HCRTR2: variants seen among roughly 807,000 people sequenced by gnomAD.
HCRTR2 encodes the protein orexin receptor type 2.
HCRTR2 carries 22 observed loss-of-function variants against 49.0 expected under a neutral mutation model. The ratio of observed to expected loss-of-function variants is 0.45; its 90% CI spans 0.32 to 0.64. The LOEUF (loss-of-function observed/expected upper bound fraction) is 0.64, where lower values mean the gene tolerates loss of function less well. Ranked by LOEUF, HCRTR2 falls within the 30% of genes least tolerant of loss-of-function variation. The probability of loss-of-function intolerance (pLI) is 0.04; values close to 1 mark genes in which losing one functional copy is unlikely to be tolerated. For missense variants in HCRTR2, 491 were observed against 559.4 expected, an observed-to-expected ratio of 0.88 and a Z score of 1.23; for synonymous variants, 236 against 205.3, an observed-to-expected ratio of 1.15 and a Z score of -1.28.
intron 1 of HCRTR2, among the ~76,000 whole-genome samples, chr6:55,210,991 T>A (rs1765686537): frequency 6.6e-6 from 1 of 152,174 alleles, no homozygotes; most frequent in African/African-American, 2.4e-5. Context: ...TTCTGTACTT[T>A]TCTATGTTTA....
rs139369921 is a variant in HCRTR2, at chr6:55,164,738, C to T, written c.-377-9473C>T. 4.0e-4 allele frequency among the ~76,000 whole-genome samples: 61 copies of T among 151,842 alleles called. 1 individual carries two copies. The East Asian group carries it at 0.01, about 25-fold the overall frequency. ...TGTATACCTATGTAACAAACCTGCA[C>T]GTTCTGCACATGTATCCCAGAACTT... On this transcript the variant is annotated intron_variant, in intron 1 of 7. Coordinates refer to the HCRTR2 transcript ENST00000615358.
chr6:55,244,031 G>A (rs1265452606), intron 1 of HCRTR2, among the ~76,000 whole-genome samples: 1 of 152,060 alleles, frequency 6.6e-6, no homozygotes, highest in Admixed American at 6.5e-5. Context: ...TCCAGACAGA[G>A]GAATGGCATG....
intron 4 of HCRTR2, among the ~76,000 whole-genome samples, chr6:55,269,975 A>C (rs1176258017): frequency 1.3e-5 from 2 of 152,198 alleles, no homozygotes; most frequent in East Asian, 1.9e-4. Flanking sequence ...AACAAAAAAA[A>C]TTCTTCAGCA....
intron 1 of HCRTR2, among the ~76,000 whole-genome samples, chr6:55,232,408 C>A (rs1766132872): frequency 6.6e-6 from 1 of 152,084 alleles, no homozygotes; most frequent in African/African-American, 2.4e-5. Context: ...AGTGGACATT[C>A]TTTTTTGTTG....
intron 6 of HCRTR2, among the ~76,000 whole-genome samples, chr6:55,281,263 T>TA (rs36060917): frequency 7.9e-5 from 12 of 151,896 alleles, no homozygotes; most frequent in African/African-American, 2.4e-4. Flanking sequence ...TGCATAGGTT[T>TA]AAAAAAAAGG....
chr6:55,282,699 C>A, downstream of HCRTR2: 1 of 415,648 alleles, frequency 2.4e-6, no homozygotes, highest in Non-Finnish European at 4.0e-6. Flanking sequence ...CTTTTAGTTT[C>A]ATGTATTAAA....
At chr6:55,241,533 A>T (rs938024303) in intron 1 of HCRTR2, among the ~76,000 whole-genome samples, 9 of 152,302 alleles carry the variant, frequency 5.9e-5, no homozygotes, top group Admixed American at 3.9e-4. Context: ...TGTAAATTAA[A>T]CAACCAAGAA....
chr6:55,195,577 A>G (rs910891775), intron 1 of HCRTR2, among the ~76,000 whole-genome samples: 1 of 152,216 alleles, frequency 6.6e-6, no homozygotes, highest in African/African-American at 2.4e-5. Context: ...CTCAAAGAGT[A>G]GAATCGGAAT....
upstream of HCRTR2, among the ~76,000 whole-genome samples, chr6:55,170,924 T>C (rs532996009): frequency 2.9e-3 from 435 of 152,130 alleles, 4 homozygotes; most frequent in African/African-American, 1.0e-2. Flanking sequence ...ATCCTTTTTT[T>C]GGCTGCATAG....
chr6:55,204,769 C>T (rs1765571789), intron 1 of HCRTR2, among the ~76,000 whole-genome samples: 1 of 152,010 alleles, frequency 6.6e-6, no homozygotes, highest in Non-Finnish European at 1.5e-5. Flanking sequence ...ATCCTCTCCC[C>T]TGCCTTCCCC....
intron 1 of HCRTR2, among the ~76,000 whole-genome samples, chr6:55,110,643 T>C (rs1026878523): frequency 2.6e-5 from 4 of 151,796 alleles, no homozygotes; most frequent in Non-Finnish European, 4.4e-5. Context: ...AGGGACATTA[T>C]ATAAAGATAA....
intron 4 of HCRTR2, among the ~76,000 whole-genome samples, chr6:55,272,877 A>G (rs1767000583): frequency 1.3e-5 from 2 of 149,664 alleles, no homozygotes; most frequent in South Asian, 2.1e-4. Context: ...GCAAAGAAGA[A>G]GTCATAGACT....
At chr6:55,160,562 C>G (rs1295247200) in intron 1 of HCRTR2, among the ~76,000 whole-genome samples, 1 of 152,114 alleles carries the variant, frequency 6.6e-6, no homozygotes, top group South Asian at 2.1e-4. Flanking sequence ...AGAGTCAAGA[C>G]CCAACAGTGT....
At chr6:55,128,817 TATTTAATATACTGTGGCACACTAGTATTG>T (rs1345097937) in intron 1 of HCRTR2, among the ~76,000 whole-genome samples, 1 of 152,180 alleles carries the variant, frequency 6.6e-6, no homozygotes, top group Non-Finnish European at 1.5e-5. Context: ...CACTAGTATT[TATTTAATATACTGTGGCACACTAGTATTG>T]ATTTAATATA....
At chr6:55,152,608 T>C (rs1398255574) in intron 1 of HCRTR2, among the ~76,000 whole-genome samples, 1 of 151,918 alleles carries the variant, frequency 6.6e-6, no homozygotes, top group Non-Finnish European at 1.5e-5. Flanking sequence ...AAGTTTGAGA[T>C]TAGGATGCCA....
chr6:55,214,150 A>T (rs905469519), intron 1 of HCRTR2, among the ~76,000 whole-genome samples: 2 of 152,150 alleles, frequency 1.3e-5, no homozygotes, highest in African/African-American at 4.8e-5. Flanking sequence ...AGAGATTACA[A>T]GCTCCTGAAA....
rs534446013 is a variant in HCRTR2, at chr6:55,264,004, A to G, written c.762+182A>G. On this transcript the variant is annotated intron_variant, in intron 4 of 6. Coordinates refer to ENST00000370862, the MANE Select transcript of HCRTR2 (RefSeq NM_001384272.1). The stretch of plus-strand genomic sequence containing the variant: ...ATTATATTGTGTGTTCTTTTAAAGT[A>G]ATGAGAACCCAGACATAGAAATATG... 1.3e-3 allele frequency: 743 copies of G among 589,750 alleles called. 6 individuals are homozygous for G. Among genetic ancestry groups the G allele is most frequent in the African/African-American group, 0.012 (642 of 53,642 alleles). 36.5% of individuals were successfully genotyped at this position (589,750 alleles called of 1,614,324 possible).
At chr6:55,283,181 A>T (rs765934152), downstream of HCRTR2, among the ~76,000 whole-genome samples, 4 of 152,230 alleles carry the variant, frequency 2.6e-5, no homozygotes, top group Non-Finnish European at 5.9e-5. Context: ...TTTTAACAAC[A>T]ACAACAAAAA....
At chr6:55,151,417 T>A (rs749734637) in intron 1 of HCRTR2, among the ~76,000 whole-genome samples, 2 of 152,004 alleles carry the variant, frequency 1.3e-5, no homozygotes, top group South Asian at 4.1e-4. Flanking sequence ...AAAAGTATAT[T>A]CCATCTTAAG....
Sources: gnomAD v4.1 joint callset for allele counts (sites outside exome capture counted in the v4.1 genomes callset) on GRCh38, gnomAD v4.1.1 for gene constraint, MANE v1.5 for transcripts, NCBI Gene and HGNC (gene_info 2026-07-23, HGNC 2026-07-21) for gene names.